SBF1: variants seen among roughly 807,000 people sequenced by gnomAD.
The protein encoded by SBF1 is myotubularin-related protein 5.
Under a neutral mutation model 215.8 loss-of-function variants are expected in SBF1, and 65 were observed. That is an observed-to-expected ratio of 0.30 (90% CI 0.25 to 0.37). The LOEUF (loss-of-function observed/expected upper bound fraction) is 0.37. Ranked by LOEUF, SBF1 falls within the 10% of genes least tolerant of loss-of-function variation. SBF1 has a pLI of 1.00. For missense variants in SBF1, 2,634 were observed against 2,667.8 expected, an observed-to-expected ratio of 0.99 and a Z score of 0.28; for synonymous variants, 1,410 against 1,122.8, an observed-to-expected ratio of 1.26 and a Z score of -5.11.
chr22:50,457,181 A>G, intron 28 of SBF1, 70 bp from the exon 29 acceptor site: 1 of 1,296,860 alleles, frequency 7.7e-7, no homozygotes, highest in Non-Finnish European at 1.0e-6. Flanking sequence ...GGGGGTGCCT[A>G]CAGGTCAGAG....
chr22:50,461,329 G>C lies in SBF1; in HGVS notation c.2840-43C>G, dbSNP rs2073280. On this transcript the variant is annotated intron_variant, in intron 22 of 40. Coordinates refer to ENST00000380817, the MANE Select transcript of SBF1 (RefSeq NM_002972.4). Reference sequence around the variant, plus strand: ...AGAGTCAGAAGCAAGGAAGGTAAGGGGGGGGGGGTCCCAGAATCTCAGGGT... The same window carrying C: ...AGAGTCAGAAGCAAGGAAGGTAAGGCGGGGGGGGTCCCAGAATCTCAGGGT... 679,974 of 1,536,650 alleles carry C rather than the reference G, an allele frequency of 0.44. 154,418 individuals carry two copies. Among genetic ancestry groups the C allele is most frequent in the Non-Finnish European group, 0.48 (547,470 of 1,143,020 alleles).
In SBF1 at chr22:50,461,994, C is replaced by T. The variant is rs1432996463; in HGVS notation, c.2522G>A (p.Ser841Asn). ...CTTGAGGTGGTCGCTGGTGACCCCA[C>T]TCTCCGTGCAGACCTTGTCCACAAA... ...NRFVDKVCTE[S>N]GVTSDHLKGL... The change falls in exon 20 of 41, where the codon AGT (serine) becomes AAT (asparagine). Residue 841 changes from serine to asparagine, a missense_variant. By Grantham distance (46) the Ser-to-Asn change is conservative. Transcript: ENST00000380817. 2 of 1,614,254 alleles carry T rather than the reference C, an allele frequency of 1.2e-6. No individual in the cohort carries two copies. The highest frequency in any genetic ancestry group is 1.1e-5 in the South Asian group (1 of 91,090).
rs541136394 is a variant in SBF1 at position 50,448,553 on chromosome 22, G to A, written c.5141C>T (p.Pro1714Leu). Residue 1714 changes from proline (P) to leucine (L), a missense_variant, in exon 37 of 41, where the codon CCA becomes CTA. Transcript: ENST00000380817. ...CTGGCCCTCACTCACACGGCCGTCTGGCCGGCCCTCGAGGCGCTGTGCAGC... is the reference window on the plus strand; with the variant it reads ...CTGGCCCTCACTCACACGGCCGTCTAGCCGGCCCTCGAGGCGCTGTGCAGC... ...VKAAQRLEGR[P>L]DGRGTPSSLL... 5 of 1,612,104 alleles carry A rather than the reference G, an allele frequency of 3.1e-6. No individual in the cohort carries two copies. The highest frequency in any genetic ancestry group is 4.2e-6 in the Non-Finnish European group (5 of 1,179,692).
chr22:50,462,322 T>A lies in SBF1; in HGVS notation c.2279A>T (p.Tyr760Phe). ...ESTVFSQAIH[Y>F]ANRMSYLLLP... ...GAGGAGGTAGCTCATGCGGTTGGCA[T>A]AGTGGATGGCCTGGCTGAACACCGT... Residue 760 changes from tyrosine to phenylalanine, a missense_variant, in exon 19 of 41, where the codon TAT becomes TTT. Physicochemically the swap from Tyr to Phe is conservative, Grantham distance 22. Coordinates refer to ENST00000380817, the MANE Select transcript of SBF1 (RefSeq NM_002972.4). The A allele has an allele frequency of 6.2e-7, 1 of 1,614,076 alleles. No individual in the cohort carries two copies. Among genetic ancestry groups the A allele is most frequent in the Non-Finnish European group, 8.5e-7 (1 of 1,180,004 alleles).
chr22:50,469,451 G>A (rs763452824), intron 1 of SBF1, among the ~76,000 whole-genome samples: 7 of 152,346 alleles, frequency 4.6e-5, no homozygotes, highest in Non-Finnish European at 1.0e-4. Flanking sequence ...CCCTGCCTGT[G>A]GCTCACCCCT....
intron 1 of SBF1, among the ~76,000 whole-genome samples, chr22:50,472,884 A>AGGGTAGTGGGT (rs2068044075): frequency 6.6e-6 from 1 of 152,176 alleles, no homozygotes; most frequent in Admixed American, 6.5e-5. Flanking sequence ...TGACCAGCTC[A>AGGGTAGTGGGT]ACCCCAGAAG....
rs1471764898 is a variant in SBF1 at position 50,456,388 on chromosome 22, C to T, written c.4094G>A (p.Arg1365Gln). ...CTCCCACTGCTGCAGGGGGTCTGAC[C>T]GCACACCCTGAAAAGAATCCGGACA... Reference protein sequence around the residue: ...LGDKAQLKGVRSDPLQQWELV... With the variant: ...LGDKAQLKGVQSDPLQQWELV... Residue 1365 changes from arginine to glutamine, a missense_variant, in exon 31 of 41, where the codon CGG becomes CAG. Arg to Gln is a conservative substitution (Grantham distance 43, BLOSUM62 1). Transcript: ENST00000380817. 3 of 1,612,320 alleles carry T rather than the reference C, an allele frequency of 1.9e-6. No individual in the cohort carries two copies. Among genetic ancestry groups the T allele is most frequent in the Non-Finnish European group, 1.7e-6 (2 of 1,179,918 alleles).
chr22:50,467,128 C>A (rs1375684544), intron 5 of SBF1: 20 of 599,130 alleles, frequency 3.3e-5, no homozygotes, highest in Admixed American at 3.0e-4. Context: ...AAGGAGTGGA[C>A]AGAGAGGCTG....
Position 50,459,460 on chromosome 22 carries a change from C to T in SBF1, c.3688+10G>A, listed in dbSNP as rs1388608845. The T allele has an allele frequency of 3.1e-6, 5 of 1,611,338 alleles. No homozygotes were observed. The highest frequency in any genetic ancestry group is 1.7e-5 in the Admixed American group (1 of 59,956). ...GGCAGGGCAGGCACAGGGCAGGACG[C>T]AGGAGGTACCTGGAGAAGGTGCGTT... is the stretch of plus-strand genomic sequence containing the variant. On this transcript the variant is annotated intron_variant, in intron 27 of 40. Transcript: ENST00000380817.
At chr22:50,452,993 G>GA (rs140196842) in intron 36 of SBF1, among the ~76,000 whole-genome samples, 15,315 of 150,802 alleles carry the variant, frequency 0.1, 868 homozygotes, top group Non-Finnish European at 0.13. Context: ...AGAAAGAAAG[G>GA]AAAAAAAATC....
chr22:50,473,073 C>T (rs1369992996), intron 1 of SBF1, among the ~76,000 whole-genome samples: 2 of 152,210 alleles, frequency 1.3e-5, no homozygotes, highest in Non-Finnish European at 2.9e-5. Flanking sequence ...TGAGCACACA[C>T]GTCACAGCCA....
intron 30 of SBF1, 31 bp from the exon 31 acceptor site, chr22:50,456,426 C>T (rs776246761): frequency 8.1e-6 from 13 of 1,605,344 alleles, no homozygotes; most frequent in Non-Finnish European, 5.1e-6. Flanking sequence ...TCCCGTGAGA[C>T]ACATGAGGCC....
chr22:50,463,060 C>T, intron 16 of SBF1, 122 bp from the exon 17 acceptor site: 1 of 1,180,306 alleles, frequency 8.5e-7, no homozygotes, highest in Non-Finnish European at 1.2e-6. Flanking sequence ...GCTCCAGCTC[C>T]CCAAGGCTGC....
rs761053002 is a variant in SBF1 at position 50,460,099 on chromosome 22, C to T, written c.3344G>A (p.Arg1115His). The change falls in exon 26 of 41, where the codon CGC (arginine) becomes CAC (histidine). Residue 1115 changes from arginine to histidine, a missense_variant. By Grantham distance (29) the Arg-to-His change is conservative. Transcript: ENST00000380817. ...TPSSALKPSD[R>H]MTMSSLVERA... is the part of the protein sequence containing the mutation. ...TTCCACCAGGCTGCTCATGGTCATG[C>T]GGTCGGAGGGCTTCAGGGCTGAGGA... 31 of 1,613,464 alleles carry T rather than the reference C, an allele frequency of 1.9e-5. No individual in the cohort carries two copies. The highest frequency in any genetic ancestry group is 1.6e-4 in the Middle Eastern group (1 of 6,082).
rs749588190 is a variant in SBF1 at position 50,447,420 on chromosome 22, ACT to A, written c.5483_5484del (p.Glu1828ValfsTer24). The A allele has an allele frequency of 6.2e-7, 1 of 1,613,666 alleles. No individual in the cohort carries two copies. The highest frequency in any genetic ancestry group is 2.2e-5 in the East Asian group (1 of 44,822). ...TCCGCCAAGTCGATGACACCCTTGC[ACT>A]CTGTGTCCACACGGTGGTCGTAGTA... is the stretch of plus-strand genomic sequence containing the variant. ...LRYYDHRVDTECKGVIDLAEV... is the reference protein window; with the variant it reads ...LRYYDHRVDTXCKGVIDLAEV... On this transcript the variant is annotated frameshift_variant, in exon 40 of 41. Coordinates refer to ENST00000380817, the MANE Select transcript of SBF1 (RefSeq NM_002972.4). LOFTEE classifies it high-confidence loss of function.
intron 36 of SBF1, among the ~76,000 whole-genome samples, chr22:50,451,226 G>C (rs939759885): frequency 2.0e-5 from 3 of 150,350 alleles, no homozygotes; most frequent in Non-Finnish European, 4.4e-5. Flanking sequence ...CAGTAGTCTT[G>C]GCAACTCAAG....
At chr22:50,458,603 T>C (rs1166463588) in intron 28 of SBF1, among the ~76,000 whole-genome samples, 1 of 152,226 alleles carries the variant, frequency 6.6e-6, no homozygotes. Context: ...ACAAAACCAC[T>C]TCTGAACTAG....
intron 36 of SBF1, among the ~76,000 whole-genome samples, chr22:50,448,934 G>A (rs534096481): frequency 6.6e-6 from 1 of 152,318 alleles, no homozygotes; most frequent in Admixed American, 6.5e-5. Flanking sequence ...CCGGCCAGGC[G>A]TGGTGGCTCA....
At position 50,447,403 on chromosome 22, in the gene SBF1, G is replaced by C; in HGVS notation, c.5502C>G (p.Asp1834Glu). 6.2e-7 allele frequency: 1 copy of C among 1,614,022 alleles called. No individual in the cohort carries two copies. The highest frequency in any genetic ancestry group is 1.1e-5 in the South Asian group (1 of 91,076). The change falls in exon 40 of 41, where the codon GAC becomes GAG. Residue 1834 changes from aspartate to glutamate, a missense_variant. Transcript: ENST00000380817. Reference sequence around the variant, plus strand: ...GTGCCACAGCCTCCACCTCCGCCAAGTCGATGACACCCTTGCACTCTGTGT... The same window carrying C: ...GTGCCACAGCCTCCACCTCCGCCAACTCGATGACACCCTTGCACTCTGTGT... ...RVDTECKGVI[D>E]LAEVEAVAPG...
Sources: allele counts gnomAD v4.1 joint callset (sites outside exome capture counted in the v4.1 genomes callset), GRCh38; gene constraint gnomAD v4.1.1; transcripts MANE v1.5; gene names NCBI Gene and HGNC (gene_info 2026-07-23, HGNC 2026-07-21).